Variants in TANGO6 observed in about 807,000 individuals in gnomAD.
TANGO6 encodes the protein transport and golgi organization 6 homolog.
In TANGO6, 90 loss-of-function variants were observed where a neutral mutation model predicts 114.2. The ratio of observed to expected loss-of-function variants is 0.79; its 90% CI spans 0.66 to 0.94. The LOEUF is 0.94. Among genes scored for constraint, TANGO6 ranks in the 40% least tolerant of loss-of-function variants. The pLI, the probability that TANGO6 is intolerant of heterozygous loss-of-function variation, is 0.00. For synonymous variants in TANGO6, 477 were observed against 509.8 expected (o/e 0.94, Z 0.87); for missense variants, 1,274 against 1,315.3 (o/e 0.97, Z 0.49).
intron 7 of TANGO6, among the ~76,000 whole-genome samples, chr16:68,884,741 A>G (rs575897164): frequency 6.6e-6 from 1 of 152,310 alleles, no homozygotes; most frequent in Admixed American, 6.5e-5. Flanking sequence ...ATTTCTTTCT[A>G]GCAAGGGAGT....
intron 7 of TANGO6, among the ~76,000 whole-genome samples, chr16:68,884,150 TC>T (rs1156379849): frequency 3.3e-5 from 5 of 152,088 alleles, no homozygotes; most frequent in African/African-American, 1.2e-4. Context: ...CCTCAAGCAA[TC>T]CCCCTGCCTT....
intron 15 of TANGO6, among the ~76,000 whole-genome samples, chr16:69,008,004 G>A (rs1012369714): frequency 2.0e-5 from 3 of 151,830 alleles, no homozygotes; most frequent in Middle Eastern, 3.4e-3. Flanking sequence ...TCTTTTTTGT[G>A]TTGTAAGAGT....
intron 17 of TANGO6, among the ~76,000 whole-genome samples, chr16:69,071,837 T>C (rs964495868): frequency 4.6e-5 from 7 of 152,252 alleles, no homozygotes; most frequent in Admixed American, 2.6e-4. Context: ...TGCTTTTCCA[T>C]TGAATGTGCA....
intron 12 of TANGO6, among the ~76,000 whole-genome samples, chr16:68,926,151 C>T (rs9938842): frequency 1.3e-5 from 2 of 151,632 alleles, no homozygotes; most frequent in African/African-American, 2.4e-5. Flanking sequence ...ATGATACAAC[C>T]GAGGCACTGA....
intron 17 of TANGO6, among the ~76,000 whole-genome samples, chr16:69,059,090 T>C (rs979203651): frequency 6.6e-6 from 1 of 151,440 alleles, no homozygotes; most frequent in African/African-American, 2.4e-5. Context: ...TTTTTTTTTT[T>C]TTGAGACGGA....
Position 68,990,498 on chromosome 16 carries a change from A to G in TANGO6, c.2842+16330A>G, listed in dbSNP as rs377041565. ...CTCCCACCAGCTCCATCCCACAACA[A>G]TTGGGAATTATGGGAGCTACAACTC... is the stretch of plus-strand genomic sequence containing the variant. On this transcript the variant is annotated intron_variant, in intron 15 of 17. Transcript: ENST00000261778. Among the ~76,000 whole-genome samples, 18 of 152,260 alleles carry G rather than the reference A, an allele frequency of 1.2e-4. 1 individual carries two copies. The highest frequency in any genetic ancestry group is 2.0e-4 in the Admixed American group (3 of 15,288).
chr16:68,887,655 T>C (rs1333742149), intron 7 of TANGO6, among the ~76,000 whole-genome samples: 1 of 152,060 alleles, frequency 6.6e-6, no homozygotes, highest in Non-Finnish European at 1.5e-5. Flanking sequence ...GGCGGGCAAA[T>C]CACTTGAGGT....
chr16:68,862,947 T>TCTAA lies in TANGO6; in HGVS notation c.741_744dup (p.Glu249AsnfsTer2). 1 of 1,584,900 alleles carries TCTAA rather than the reference T, an allele frequency of 6.3e-7. No individual in the cohort carries two copies. Among genetic ancestry groups the TCTAA allele is most frequent in the Non-Finnish European group, 8.6e-7 (1 of 1,164,908 alleles). The stretch of plus-strand genomic sequence containing the variant: ...AGCCAAGTGCATATTTCTTTTAGGT[T>TCTAA]CTAACTGAAGAGGAGAGAACCCTAT... On this transcript the variant is annotated frameshift_variant, in exon 3 of 18. Coordinates refer to ENST00000261778, the MANE Select transcript of TANGO6 (RefSeq NM_024562.2). LOFTEE classifies it high-confidence loss of function.
intron 17 of TANGO6, among the ~76,000 whole-genome samples, chr16:69,075,030 C>T (rs1373516695): frequency 1.3e-5 from 2 of 151,746 alleles, no homozygotes; most frequent in Non-Finnish European, 2.9e-5. Flanking sequence ...TTAGTAGAGA[C>T]GGGGTTTCGC....
chr16:69,063,898 A>G (rs988808652), intron 17 of TANGO6, among the ~76,000 whole-genome samples: 10 of 151,106 alleles, frequency 6.6e-5, no homozygotes, highest in African/African-American at 2.4e-4. Flanking sequence ...GTGCAATGGC[A>G]CGATCTCAAC....
chr16:68,871,192 A>AT (rs1296197690), intron 4 of TANGO6, among the ~76,000 whole-genome samples: 2 of 151,654 alleles, frequency 1.3e-5, no homozygotes, highest in Non-Finnish European at 2.9e-5. Context: ...GTTGACATTT[A>AT]TTTTTTCTTT....
At chr16:68,922,675 A>G (rs2152192863) in intron 12 of TANGO6, among the ~76,000 whole-genome samples, 1 of 152,302 alleles carries the variant, frequency 6.6e-6, no homozygotes, top group Admixed American at 6.5e-5. Context: ...TGTCCCCTCA[A>G]GAAGCAGTTT....
At chr16:68,989,354 T>C (rs1402900162) in intron 15 of TANGO6, among the ~76,000 whole-genome samples, 2 of 152,118 alleles carry the variant, frequency 1.3e-5, no homozygotes, top group Non-Finnish European at 2.9e-5. Flanking sequence ...TCAACTGATC[T>C]ATCTTTAGGT....
intron 15 of TANGO6, among the ~76,000 whole-genome samples, chr16:68,975,616 G>C (rs565921346): frequency 3.1e-4 from 47 of 151,816 alleles, no homozygotes; most frequent in African/African-American, 1.1e-3. Flanking sequence ...GGAGAGCAGT[G>C]GTGCATTCAT....
At chr16:68,930,190 T>A in intron 13 of TANGO6, 48 bp from the exon 14 acceptor site, 1 of 1,509,250 alleles carries the variant, frequency 6.6e-7, no homozygotes, top group Non-Finnish European at 9.0e-7. Flanking sequence ...CTCTTAAATC[T>A]TCCTTGTTCT....
At chr16:68,943,566 C>A (rs1963379805) in intron 14 of TANGO6, among the ~76,000 whole-genome samples, 1 of 152,008 alleles carries the variant, frequency 6.6e-6, no homozygotes, top group Admixed American at 6.6e-5. Flanking sequence ...GGGGTTTCAC[C>A]ATGTCAGCCA....
chr16:68,855,671 TCAGGAG>T (rs1961977729), intron 1 of TANGO6, among the ~76,000 whole-genome samples: 3 of 152,020 alleles, frequency 2.0e-5, no homozygotes, highest in African/African-American at 4.8e-5. Context: ...GATCACCTGG[TCAGGAG>T]TTTGAGACCA....
intron 14 of TANGO6, among the ~76,000 whole-genome samples, chr16:68,963,968 G>GGAT (rs1963619753): frequency 6.6e-6 from 1 of 151,984 alleles, no homozygotes; most frequent in Admixed American, 6.6e-5. Context: ...AGGAGAAAGA[G>GGAT]GATGCAAATG....
At chr16:68,867,367 A>T (rs1435473019) in intron 4 of TANGO6, 147 bp downstream of exon 4, 7 of 1,015,602 alleles carry the variant, frequency 6.9e-6, no homozygotes, top group Non-Finnish European at 1.0e-5. Context: ...TTAAACTTAG[A>T]GGCCGTTAAT....
Sources: allele counts gnomAD v4.1 joint callset (sites outside exome capture counted in the v4.1 genomes callset), GRCh38; gene constraint gnomAD v4.1.1; transcripts MANE v1.5; gene names NCBI Gene and HGNC (gene_info 2026-07-23, HGNC 2026-07-21).